Variants in ASXL3 observed in about 807,000 individuals in gnomAD.
ASXL3 encodes ASXL transcriptional regulator 3, also known as putative Polycomb group protein ASXL3.
In ASXL3, 34 loss-of-function variants were observed where a neutral mutation model predicts 170.6. That is an observed-to-expected ratio of 0.20 (90% CI 0.15 to 0.27). The LOEUF (loss-of-function observed/expected upper bound fraction) is 0.27, where lower values mean the gene tolerates loss of function less well. Among genes scored for constraint, ASXL3 ranks in the 10% least tolerant of loss-of-function variants. ASXL3 has a pLI of 1.00. For synonymous variants in ASXL3, 1,002 were observed against 989.1 expected (o/e 1.01, Z -0.24); for missense variants, 2,592 against 2,695.3 (o/e 0.96, Z 0.85).
intron 4 of ASXL3, among the ~76,000 whole-genome samples, chr18:33,653,499 A>G (rs754758745): frequency 2.0e-5 from 3 of 152,106 alleles, no homozygotes; most frequent in Non-Finnish European, 2.9e-5. Flanking sequence ...TTAGTTACAC[A>G]TTGAAGAAAA....
At chr18:33,636,810 A>C (rs914751181) in intron 2 of ASXL3, among the ~76,000 whole-genome samples, 4 of 152,102 alleles carry the variant, frequency 2.6e-5, no homozygotes, top group African/African-American at 9.7e-5. Context: ...TTTTTTAAAA[A>C]AATTTTGAAT....
chr18:33,628,000 A>G (rs2065626045), intron 2 of ASXL3, among the ~76,000 whole-genome samples: 2 of 152,200 alleles, frequency 1.3e-5, no homozygotes, highest in Non-Finnish European at 2.9e-5. Flanking sequence ...ATGTGTCTGT[A>G]AATATCATTA....
rs17746949 is a variant in ASXL3 at position 33,744,802 on chromosome 18, G to A, written c.4954G>A (p.Val1652Met). The A allele has an allele frequency of 0.026, 41,573 of 1,614,024 alleles. 625 individuals are homozygous for A. The highest frequency in any genetic ancestry group is 0.031 in the Non-Finnish European group (37,142 of 1,179,890). Reference protein sequence around the residue: ...IKTEHANYLNVSELHPRNLVT... With the variant: ...IKTEHANYLNMSELHPRNLVT... ...AACTGAACATGCCAACTACTTGAAC[G>A]TGTCAGAACTTCATCCCAGGAATCT... is the stretch of plus-strand genomic sequence containing the variant. The change falls in exon 12 of 12, where the codon GTG (valine) becomes ATG (methionine). Residue 1652 changes from valine to methionine, a missense_variant. By Grantham distance (21) the Val-to-Met change is conservative. This residue lies in a region of ASXL3 where 2,246 missense variants were observed against 2,219.6 expected (regional missense o/e 1.01). Transcript: ENST00000269197.
At chr18:33,716,666 T>C (rs2067170314) in intron 8 of ASXL3, among the ~76,000 whole-genome samples, 1 of 152,178 alleles carries the variant, frequency 6.6e-6, no homozygotes, top group Non-Finnish European at 1.5e-5. Context: ...TTGCAGTCTT[T>C]ATGAAACCGT....
chr18:33,607,463 T>C, intron 1 of ASXL3, 131 bp from the exon 2 acceptor site: 1 of 755,818 alleles, frequency 1.3e-6, no homozygotes, highest in Non-Finnish European at 2.2e-6. Flanking sequence ...ACCTGATCTG[T>C]ATGATGGACT....
chr18:33,683,618 T>G (rs754375616), intron 8 of ASXL3, 50 bp downstream of exon 8: 1 of 1,524,876 alleles, frequency 6.6e-7, no homozygotes, highest in East Asian at 2.3e-5. Flanking sequence ...TATATTATGA[T>G]GAAGTGGAAG....
intron 2 of ASXL3, among the ~76,000 whole-genome samples, chr18:33,635,361 G>A (rs1169698632): frequency 6.6e-6 from 1 of 152,128 alleles, no homozygotes; most frequent in Non-Finnish European, 1.5e-5. Context: ...ACATGACCAG[G>A]CAATACGGGA....
intron 4 of ASXL3, among the ~76,000 whole-genome samples, chr18:33,648,013 G>A (rs1048714653): frequency 2.0e-5 from 3 of 152,060 alleles, no homozygotes; most frequent in African/African-American, 7.2e-5. Context: ...GATAGCAAGA[G>A]GCTGGTGTGG....
chr18:33,659,118 T>A (rs2066131017), intron 4 of ASXL3, among the ~76,000 whole-genome samples: 1 of 152,026 alleles, frequency 6.6e-6, no homozygotes, highest in Non-Finnish European at 1.5e-5. Flanking sequence ...GCAGTTACCC[T>A]CAGGAAGGAC....
intron 8 of ASXL3, among the ~76,000 whole-genome samples, chr18:33,719,574 C>T (rs1366038845): frequency 1.3e-5 from 2 of 151,994 alleles, no homozygotes; most frequent in Non-Finnish European, 2.9e-5. Flanking sequence ...TGCTGCTTAC[C>T]TACTGCTAGA....
chr18:33,602,082 A>G (rs886334336), intron 1 of ASXL3, among the ~76,000 whole-genome samples: 10 of 151,958 alleles, frequency 6.6e-5, no homozygotes, highest in African/African-American at 2.4e-4. Context: ...GATTACAGGC[A>G]TGAGCCACCA....
intron 8 of ASXL3, among the ~76,000 whole-genome samples, chr18:33,712,885 G>C (rs1192146392): frequency 3.3e-5 from 5 of 152,082 alleles, no homozygotes; most frequent in Non-Finnish European, 7.4e-5. Flanking sequence ...TGGGAGTTTG[G>C]CAGTTTTGCT....
At position 33,734,388 on chromosome 18, in the gene ASXL3, A is replaced by C; in HGVS notation, c.1055A>C (p.Lys352Thr). 1.2e-6 allele frequency: 2 copies of C among 1,607,064 alleles called. No homozygotes were observed. The highest frequency in any genetic ancestry group is 8.5e-7 in the Non-Finnish European group (1 of 1,177,340). The change falls in exon 10 of 12, where the codon AAA (lysine) becomes ACA (threonine). Residue 352 changes from lysine to threonine, a missense_variant. Lys to Thr is a moderately conservative substitution (Grantham distance 78, BLOSUM62 -1). This residue lies in a region of ASXL3 where 73 missense variants were observed against 142.7 expected (regional missense o/e 0.51). Coordinates refer to ENST00000269197, the MANE Select transcript of ASXL3 (RefSeq NM_030632.3). ...KEKKTEPWKEKFFERFYGEKL... is the reference protein window; with the variant it reads ...KEKKTEPWKETFFERFYGEKL... Reference sequence around the variant, plus strand: ...AAGAAAACAGAACCTTGGAAAGAAAAATTCTTTGAGAGGTTTTATGGAGAA... The same window carrying C: ...AAGAAAACAGAACCTTGGAAAGAAACATTCTTTGAGAGGTTTTATGGAGAA...
At chr18:33,679,679 G>A (rs532471036) in intron 7 of ASXL3, among the ~76,000 whole-genome samples, 26 of 152,028 alleles carry the variant, frequency 1.7e-4, no homozygotes, top group Admixed American at 7.9e-4. Flanking sequence ...AGGGCGTTGC[G>A]TACTGATTCA....
intron 8 of ASXL3, among the ~76,000 whole-genome samples, chr18:33,700,765 T>C (rs2066859594): frequency 1.3e-5 from 2 of 152,068 alleles, no homozygotes; most frequent in African/African-American, 4.8e-5. Context: ...GCTTTAGCCA[T>C]ATGGGTGTAT....
At chr18:33,740,680 G>A (rs2067647867) in intron 11 of ASXL3, among the ~76,000 whole-genome samples, 1 of 152,144 alleles carries the variant, frequency 6.6e-6, no homozygotes, top group African/African-American at 2.4e-5. Context: ...AGAGAGAATA[G>A]GGCCTGGAAA....
intron 8 of ASXL3, among the ~76,000 whole-genome samples, chr18:33,683,902 A>G (rs953065687): frequency 1.3e-5 from 2 of 152,192 alleles, no homozygotes; most frequent in African/African-American, 4.8e-5. Flanking sequence ...ACTGAAATGC[A>G]GCAATAAAAA....
intron 8 of ASXL3, among the ~76,000 whole-genome samples, chr18:33,704,949 CTTAG>C (rs1201247926): frequency 1.3e-5 from 2 of 151,658 alleles, no homozygotes; most frequent in Non-Finnish European, 3.0e-5. Flanking sequence ...CATCTGTGTT[CTTAG>C]TTAAATTTTT....
rs566819808 is a variant in ASXL3 at position 33,671,663 on chromosome 18, C to T, written c.596-84C>T. On this transcript the variant is annotated intron_variant, in intron 6 of 11. Coordinates refer to ENST00000269197, the MANE Select transcript of ASXL3 (RefSeq NM_030632.3). Reference sequence around the variant, plus strand: ...TTAACTCTAGAAAAGGAGATTATATCTACAGTTCCTCAAACAATTTTAGAT... The same window carrying T: ...TTAACTCTAGAAAAGGAGATTATATTTACAGTTCCTCAAACAATTTTAGAT... The T allele has an allele frequency of 2.1e-5, 26 of 1,248,614 alleles. No homozygotes were observed. The African/African-American group carries it at 3.8e-4, about 18-fold the overall frequency. The allele number at this position is 1,248,614 out of a possible 1,614,324, so 77.3% of individuals were successfully genotyped here. A position where few individuals can be genotyped will look rare whatever the true frequency, so the allele number is the denominator to read the frequency against.
Sources: gnomAD v4.1 joint callset for allele counts (sites outside exome capture counted in the v4.1 genomes callset) on GRCh38, gnomAD v4.1.1 for gene constraint, gnomAD v4.1.1 regional missense constraint, MANE v1.5 for transcripts, NCBI Gene and HGNC (gene_info 2026-07-23, HGNC 2026-07-21) for gene names.